SBNO1: variants seen among roughly 807,000 people sequenced by gnomAD.
SBNO1 encodes the protein protein strawberry notch homolog 1.
Under a neutral mutation model 173.6 loss-of-function variants are expected in SBNO1, and 23 were observed. The ratio of observed to expected loss-of-function variants is 0.13; its 90% CI spans 0.10 to 0.19. The LOEUF is 0.19. Among genes scored for constraint, SBNO1 ranks in the 10% least tolerant of loss-of-function variants. The pLI is 1.00. For missense variants in SBNO1, 1,238 were observed against 1,671.2 expected, an observed-to-expected ratio of 0.74 and a Z score of 4.52; for synonymous variants, 632 against 571.5, an observed-to-expected ratio of 1.11 and a Z score of -1.51.
Position 123,294,386 on chromosome 12 carries a change from C to A in SBNO1, c.*1522G>T, listed in dbSNP as rs2048554567. 1 of 151,896 alleles carries A rather than the reference C, an allele frequency of 6.6e-6. No homozygotes were observed. The highest frequency in any genetic ancestry group is 1.5e-5 in the Non-Finnish European group (1 of 68,052). 9.4% of individuals were successfully genotyped at this position (151,896 alleles called of 1,614,324 possible). On this transcript the variant is annotated 3_prime_UTR_variant, in exon 32 of 32. Transcript: ENST00000602398. ...TATCATTATACCCTTTCCCTCAATG[C>A]CATCTTACATTTTAGGGATAAGTTT...
intron 17 of SBNO1, 149 bp from the exon 18 acceptor site, chr12:123,321,015 C>T (rs562358978): frequency 2.4e-4 from 142 of 602,348 alleles, no homozygotes; most frequent in Middle Eastern, 1.8e-3. Flanking sequence ...TCTCAGCTTA[C>T]TGCAATCTCC....
intron 22 of SBNO1, 39 bp from the exon 23 acceptor site, chr12:123,315,483 CT>C: frequency 6.3e-7 from 1 of 1,591,966 alleles, no homozygotes. Context: ...CACAGGTAAC[CT>C]TTTACCAGAA....
intron 1 of SBNO1, chr12:123,363,946 A>T: frequency 2.0e-6 from 2 of 985,480 alleles, no homozygotes; most frequent in South Asian, 9.4e-5. Flanking sequence ...CACTTCTGGG[A>T]AACCACCGGT....
At chr12:123,332,853 G>A (rs1229117765) in intron 7 of SBNO1, among the ~76,000 whole-genome samples, 2 of 152,050 alleles carry the variant, frequency 1.3e-5, no homozygotes, top group Non-Finnish European at 2.9e-5. Context: ...GGCCGGGCAC[G>A]GTGGCTCACA....
At chr12:123,349,193 G>C (rs1873590662) in intron 2 of SBNO1, 1 of 151,962 alleles carries the variant, frequency 6.6e-6, no homozygotes. Context: ...TCAAACTCCT[G>C]AGCTCAAGCG....
At chr12:123,317,785 T>C (rs78719309) in intron 20 of SBNO1, among the ~76,000 whole-genome samples, 4,135 of 152,254 alleles carry the variant, frequency 0.027, 195 homozygotes, top group African/African-American at 0.095. Flanking sequence ...ATGAGAGAAA[T>C]AATCTATCTT....
chr12:123,321,860 A>T, intron 16 of SBNO1, 128 bp from the exon 17 acceptor site: 1 of 748,596 alleles, frequency 1.3e-6, no homozygotes, highest in South Asian at 1.8e-5. Flanking sequence ...TTAAGTCAAA[A>T]AACAAACAGA....
chr12:123,347,077 C>CAA (rs397957462), intron 3 of SBNO1, among the ~76,000 whole-genome samples: 3,617 of 109,520 alleles, frequency 0.033, 113 homozygotes, highest in Non-Finnish European at 0.046. Flanking sequence ...GTCTCCGTCT[C>CAA]AAAAAAAAAA....
chr12:123,334,787 C>T (rs1376315066), intron 6 of SBNO1, among the ~76,000 whole-genome samples: 3 of 151,594 alleles, frequency 2.0e-5, no homozygotes, highest in African/African-American at 4.8e-5. Flanking sequence ...AAAAAAACAC[C>T]ACTTGGTTCA....
Position 123,309,791 on chromosome 12 carries a change from A to C in SBNO1, c.3361T>G (p.Leu1121Val). The C allele has an allele frequency of 6.2e-7, 1 of 1,612,668 alleles. No homozygotes were observed. Among genetic ancestry groups the C allele is most frequent in the South Asian group, 1.1e-5 (1 of 90,722 alleles). ...LGMEVHQQNA[L>V]FQYFADTLTA... ...AGTGTGTCCGCAAAATACTGAAATA[A>C]CGCATTCTGCTGATGCACCTCCATG... The change falls in exon 26 of 32, where the codon TTA becomes GTA. Residue 1121 changes from leucine to valine, a missense_variant. Transcript: ENST00000602398.
Position 123,348,017 on chromosome 12 carries a change from A to C in SBNO1, c.237+12T>G. Reference sequence around the variant, plus strand: ...TATTTTAGAAGTAACGACGAATCTAAATCATTCTTACCCTCACATTTAATA... The same window carrying C: ...TATTTTAGAAGTAACGACGAATCTACATCATTCTTACCCTCACATTTAATA... On this transcript the variant is annotated intron_variant, in intron 3 of 31. Coordinates refer to ENST00000602398, the MANE Select transcript of SBNO1 (RefSeq NM_001167856.3). 1 of 1,508,996 alleles carries C rather than the reference A, an allele frequency of 6.6e-7. No individual in the cohort carries two copies. Among genetic ancestry groups the C allele is most frequent in the Non-Finnish European group, 9.2e-7 (1 of 1,089,054 alleles). 93.5% of individuals were successfully genotyped at this position (1,508,996 alleles called of 1,614,324 possible). A position where few individuals can be genotyped will look rare whatever the true frequency, so the allele number is the denominator to read the frequency against.
In SBNO1 at chr12:123,298,636, G is replaced by A. The variant is rs1242593354; in HGVS notation, c.3846-465C>T. 2.0e-5 allele frequency among the ~76,000 whole-genome samples: 3 copies of A among 152,186 alleles called. No homozygotes were observed. The East Asian group carries it at 5.8e-4, about 29-fold the overall frequency. Reference sequence around the variant, plus strand: ...ATAATTCTGTTGGCCCATTGGGTTAGCATTTCCAATTTAAGGTATCAGGCT... The same window carrying A: ...ATAATTCTGTTGGCCCATTGGGTTAACATTTCCAATTTAAGGTATCAGGCT... On this transcript the variant is annotated intron_variant, in intron 30 of 31. Coordinates refer to ENST00000602398, the MANE Select transcript of SBNO1 (RefSeq NM_001167856.3).
chr12:123,336,444 T>A lies in SBNO1; in HGVS notation c.699A>T (p.Glu233Asp), dbSNP rs1455318511. The change falls in exon 6 of 32, where the codon GAA becomes GAT. Residue 233 changes from glutamate to aspartate, a missense_variant. Physicochemically the swap from Glu to Asp is conservative, Grantham distance 45. This residue lies in a region of SBNO1 where 78 missense variants were observed against 103.3 expected (regional missense o/e 0.76). Coordinates refer to ENST00000602398, the MANE Select transcript of SBNO1 (RefSeq NM_001167856.3). ...KEDDEPEEED[E>D]EEMGHAETYA... Reference sequence around the variant, plus strand: ...AGGTTTCTGCATGACCCATTTCTTCTTCATCTTCTTCCTCTGGTTCATCAT... The same window carrying A: ...AGGTTTCTGCATGACCCATTTCTTCATCATCTTCTTCCTCTGGTTCATCAT... 1 of 1,612,916 alleles carries A rather than the reference T, an allele frequency of 6.2e-7. No individual in the cohort carries two copies. Among genetic ancestry groups the A allele is most frequent in the Non-Finnish European group, 8.5e-7 (1 of 1,179,412 alleles).
At chr12:123,305,118 G>A (rs1393237701) in intron 28 of SBNO1, among the ~76,000 whole-genome samples, 1 of 152,166 alleles carries the variant, frequency 6.6e-6, no homozygotes, top group African/African-American at 2.4e-5. Flanking sequence ...TAGGCATTAG[G>A]GGTCTTCAGA....
At chr12:123,355,578 T>C (rs968513834) in intron 1 of SBNO1, among the ~76,000 whole-genome samples, 12 of 151,942 alleles carry the variant, frequency 7.9e-5, no homozygotes, top group African/African-American at 2.7e-4. Context: ...CACTCCAGCC[T>C]GGGCGACAGA....
chr12:123,355,742 C>T (rs932435643), intron 1 of SBNO1, among the ~76,000 whole-genome samples: 2 of 152,152 alleles, frequency 1.3e-5, no homozygotes, highest in African/African-American at 2.4e-5. Context: ...ATGTTCATGG[C>T]ACTGCATTCC....
chr12:123,360,632 CAG>C (rs1476700136), intron 1 of SBNO1, among the ~76,000 whole-genome samples: 1 of 151,824 alleles, frequency 6.6e-6, no homozygotes, highest in African/African-American at 2.4e-5. Flanking sequence ...TTTTAGTAGA[CAG>C]GGGTTTCATC....
chr12:123,309,256 C>A (rs977329670), intron 28 of SBNO1, 54 bp downstream of exon 28: 2 of 1,274,702 alleles, frequency 1.6e-6, no homozygotes, highest in Non-Finnish European at 2.3e-6. Flanking sequence ...AATTACAATG[C>A]TGGCCATTAA....
At chr12:123,335,643 G>A (rs143194177) in intron 6 of SBNO1, among the ~76,000 whole-genome samples, 48 of 152,288 alleles carry the variant, frequency 3.2e-4, no homozygotes, top group African/African-American at 1.1e-3. Flanking sequence ...CATTGCTGCT[G>A]TAGTGTCAAC....
Sources: allele counts gnomAD v4.1 joint callset (sites outside exome capture counted in the v4.1 genomes callset), GRCh38; gene constraint gnomAD v4.1.1; regional missense constraint gnomAD v4.1.1; transcripts MANE v1.5; gene names NCBI Gene and HGNC (gene_info 2026-07-23, HGNC 2026-07-21).